Variants in PDCD10 observed in about 807,000 individuals in gnomAD.
The protein encoded by PDCD10 is programmed cell death 10.
In PDCD10, 4 loss-of-function variants were observed where a neutral mutation model predicts 29.2. That is an observed-to-expected ratio of 0.14 (90% CI 0.07 to 0.31). PDCD10 has a LOEUF of 0.31. Among genes scored for constraint, PDCD10 ranks in the 10% least tolerant of loss-of-function variants. PDCD10 has a pLI of 1.00. For missense variants in PDCD10, 183 were observed against 257.9 expected, an observed-to-expected ratio of 0.71 and a Z score of 1.99; for synonymous variants, 70 against 82.2, an observed-to-expected ratio of 0.85 and a Z score of 0.80.
chr3:167,709,246 CA>C (rs1424308906), intron 3 of PDCD10, among the ~76,000 whole-genome samples: 2 of 151,984 alleles, frequency 1.3e-5, no homozygotes, highest in Admixed American at 1.3e-4. Context: ...CAACTACACA[CA>C]AAAAAGCACT....
At chr3:167,730,040 A>G (rs553940020) in intron 2 of PDCD10, among the ~76,000 whole-genome samples, 426 of 152,310 alleles carry the variant, frequency 2.8e-3, no homozygotes, top group African/African-American at 9.8e-3. Context: ...AGCTTGAAAA[A>G]TAAGTGTAAT....
At chr3:167,728,745 C>A (rs1367073646) in intron 2 of PDCD10, among the ~76,000 whole-genome samples, 1 of 152,158 alleles carries the variant, frequency 6.6e-6, no homozygotes, top group Non-Finnish European at 1.5e-5. Context: ...CAGTATTCTG[C>A]ATAGTCAGTC....
Position 167,697,006 on chromosome 3 carries a change from T to C in PDCD10, c.268+3A>G. ...ACTTAAACAAGGTTCTTCTGTCCGTTACCTTCTACATCATCAGCTGCCATA... is the reference window on the plus strand; with the variant it reads ...ACTTAAACAAGGTTCTTCTGTCCGTCACCTTCTACATCATCAGCTGCCATA... On this transcript the variant is annotated splice_donor_region_variant and intron_variant, in intron 5 of 8. Transcript: ENST00000392750. The C allele has an allele frequency of 1.4e-6, 2 of 1,432,580 alleles. No individual in the cohort carries two copies. The highest frequency in any genetic ancestry group is 2.0e-6 in the Non-Finnish European group (2 of 1,014,416). 88.7% of individuals were successfully genotyped at this position (1,432,580 alleles called of 1,614,324 possible). A position where few individuals can be genotyped will look rare whatever the true frequency, so the allele number is the denominator to read the frequency against.
intron 4 of PDCD10, among the ~76,000 whole-genome samples, chr3:167,698,143 C>T (rs1042419600): frequency 9.9e-5 from 15 of 152,166 alleles, no homozygotes; most frequent in African/African-American, 3.1e-4. Flanking sequence ...TCCATTATAA[C>T]ATCTTGTTTC....
Position 167,687,281 on chromosome 3 carries a change from G to A in PDCD10, c.510C>T (p.Tyr170=). The A allele has an allele frequency of 6.3e-7, 1 of 1,590,412 alleles. No homozygotes were observed. ...LEHQKKEFVK[Y]SKSFSDTLKT... is the part of the protein sequence containing the mutation. ...TCAGAGTATCACTGAAACTTTTGGA[G>A]TACTTTACAAATTCTTTCTTTTGGT... Residue 170 remains tyrosine, a synonymous_variant, in exon 8 of 9, where the codon TAC becomes TAT. Coordinates refer to ENST00000392750, the MANE Select transcript of PDCD10 (RefSeq NM_007217.4).
intron 2 of PDCD10, among the ~76,000 whole-genome samples, chr3:167,731,751 T>C (rs1048273433): frequency 6.6e-6 from 1 of 152,196 alleles, no homozygotes; most frequent in Non-Finnish European, 1.5e-5. Flanking sequence ...CAGAAATAAT[T>C]AAGTTTCTAT....
chr3:167,694,760 A>C (rs1720623272), intron 6 of PDCD10: 1 of 152,690 alleles, frequency 6.5e-6, no homozygotes, highest in Non-Finnish European at 1.5e-5. Context: ...CAAAAGATGA[A>C]TGTTACTATT....
intron 3 of PDCD10, among the ~76,000 whole-genome samples, chr3:167,715,719 T>A (rs909580303): frequency 6.6e-6 from 1 of 152,042 alleles, no homozygotes; most frequent in Admixed American, 6.6e-5. Flanking sequence ...TGGTATCACC[T>A]CATCCCAATT....
chr3:167,719,203 A>G (rs1310209071), intron 3 of PDCD10, among the ~76,000 whole-genome samples: 2 of 152,188 alleles, frequency 1.3e-5, no homozygotes, highest in African/African-American at 4.8e-5. Flanking sequence ...CATATGGACT[A>G]TAACAGTAAC....
chr3:167,696,316 A>G (rs1720802289), intron 5 of PDCD10, among the ~76,000 whole-genome samples: 1 of 152,212 alleles, frequency 6.6e-6, no homozygotes, highest in Non-Finnish European at 1.5e-5. Context: ...CACTAGATTC[A>G]TTGCAGACTT....
intron 2 of PDCD10, among the ~76,000 whole-genome samples, chr3:167,722,470 A>G (rs1723675657): frequency 6.6e-6 from 1 of 152,230 alleles, no homozygotes; most frequent in Non-Finnish European, 1.5e-5. Context: ...AGTTTCAAGA[A>G]GAAGGTAGCC....
chr3:167,696,274 A>AT (rs1720798269), intron 5 of PDCD10, among the ~76,000 whole-genome samples: 1 of 152,218 alleles, frequency 6.6e-6, no homozygotes, highest in South Asian at 2.1e-4. Context: ...ACAGGCTGGG[A>AT]TCACAGAACA....
intron 6 of PDCD10, among the ~76,000 whole-genome samples, chr3:167,695,206 C>T (rs1249561109): frequency 2.0e-5 from 3 of 152,196 alleles, no homozygotes; most frequent in African/African-American, 7.2e-5. Context: ...TTAGAAAACA[C>T]TACTCATGCC....
chr3:167,686,657 C>T (rs978868279), intron 8 of PDCD10, among the ~76,000 whole-genome samples: 1 of 152,142 alleles, frequency 6.6e-6, no homozygotes, highest in African/African-American at 2.4e-5. Flanking sequence ...CCTAGACCTA[C>T]GAAATCAGAA....
chr3:167,699,531 G>A (rs1030777149), intron 4 of PDCD10, among the ~76,000 whole-genome samples: 3 of 152,294 alleles, frequency 2.0e-5, no homozygotes, highest in East Asian at 1.9e-4. Flanking sequence ...GGCTCTGACT[G>A]ACAAAATGAA....
chr3:167,709,656 A>T (rs1722334926), intron 3 of PDCD10, among the ~76,000 whole-genome samples: 1 of 152,196 alleles, frequency 6.6e-6, no homozygotes, highest in Admixed American at 6.5e-5. Context: ...AAGGCAGTCT[A>T]GGACACAAGG....
chr3:167,710,942 G>C lies in PDCD10; in HGVS notation c.97-6047C>G, dbSNP rs112010081. 2.6e-3 allele frequency among the ~76,000 whole-genome samples: 391 copies of C among 152,290 alleles called. 3 individuals carry two copies. Among genetic ancestry groups the C allele is most frequent in the African/African-American group, 9.0e-3 (376 of 41,564 alleles). On this transcript the variant is annotated intron_variant, in intron 3 of 8. Transcript: ENST00000392750. ...ATCCAGAGAATTCTTCCAGATCTTA[G>C]TCAACACCACCAAGGCGGTGGTATC... is the stretch of plus-strand genomic sequence containing the variant.
intron 6 of PDCD10, among the ~76,000 whole-genome samples, chr3:167,692,005 TTATA>T (rs1720295737): frequency 6.6e-6 from 1 of 152,222 alleles, no homozygotes; most frequent in South Asian, 2.1e-4. Context: ...ATGACATTGA[TTATA>T]TAAACCTACT....
chr3:167,695,374 A>C (rs1050150947), intron 6 of PDCD10, among the ~76,000 whole-genome samples: 13 of 152,074 alleles, frequency 8.5e-5, no homozygotes, highest in African/African-American at 2.9e-4. Context: ...ACTACATTCC[A>C]GTTTATGCAC....
Sources: gnomAD v4.1 joint callset for allele counts (sites outside exome capture counted in the v4.1 genomes callset) on GRCh38, gnomAD v4.1.1 for gene constraint, MANE v1.5 for transcripts, NCBI Gene and HGNC (gene_info 2026-07-23, HGNC 2026-07-21) for gene names.